Variants in NAALADL2 observed in about 807,000 individuals in gnomAD.
The protein encoded by NAALADL2 is inactive N-acetylated-alpha-linked acidic dipeptidase-like protein 2.
A neutral mutation model predicts 87.2 loss-of-function variants in NAALADL2; 76 were observed. The ratio of observed to expected loss-of-function variants is 0.87; its 90% CI spans 0.72 to 1.05. The LOEUF (loss-of-function observed/expected upper bound fraction) is 1.05, where lower values mean the gene tolerates loss of function less well. NAALADL2 is among the 50% of genes least tolerant of loss of function. The pLI is 0.00. For missense variants in NAALADL2, 1,089 were observed against 945.8 expected, an observed-to-expected ratio of 1.15 and a Z score of -1.99; for synonymous variants, 354 against 331.0, an observed-to-expected ratio of 1.07 and a Z score of -0.75.
At chr3:175,744,057 G>A (rs77831324) in intron 12 of NAALADL2, among the ~76,000 whole-genome samples, 2,461 of 152,270 alleles carry the variant, frequency 0.016, 75 homozygotes, top group African/African-American at 0.056. Flanking sequence ...TGCTGCCTAC[G>A]ACAGCTAAAA....
intron 11 of NAALADL2, 121 bp from the exon 12 acceptor site, chr3:175,737,185 A>G (rs947478745): frequency 1.6e-6 from 1 of 617,862 alleles, no homozygotes; most frequent in African/African-American, 1.9e-5. Flanking sequence ...ATAAAACTAT[A>G]TTATTCCTGT....
chr3:175,016,527 T>A (rs896113830), intron 1 of NAALADL2, among the ~76,000 whole-genome samples: 1 of 151,350 alleles, frequency 6.6e-6, no homozygotes, highest in Non-Finnish European at 1.5e-5. Flanking sequence ...AAAGTGGTTA[T>A]CTCTGAGGTT....
rs575072885 is a variant in NAALADL2, at chr3:175,611,843, C to T, written c.1801-15448C>T. 2.4e-3 allele frequency among the ~76,000 whole-genome samples: 369 copies of T among 152,222 alleles called. 1 individual carries two copies. Among genetic ancestry groups the T allele is most frequent in the African/African-American group, 8.4e-3 (349 of 41,558 alleles). On this transcript the variant is annotated intron_variant, in intron 10 of 13. Transcript: ENST00000454872. Reference sequence around the variant, plus strand: ...AACTAAGCCATACATGTTTTATCCACTGGGGCTAAAATAGTGGCTTTCTTT... The same window carrying T: ...AACTAAGCCATACATGTTTTATCCATTGGGGCTAAAATAGTGGCTTTCTTT...
At chr3:175,071,128 C>T (rs1027925652) in intron 1 of NAALADL2, among the ~76,000 whole-genome samples, 5 of 151,908 alleles carry the variant, frequency 3.3e-5, no homozygotes, top group African/African-American at 1.2e-4. Context: ...ACTGCAGGGG[C>T]AAGCACAAAC....
chr3:174,952,237 G>A (rs1740474819), intron 1 of NAALADL2, among the ~76,000 whole-genome samples: 1 of 152,066 alleles, frequency 6.6e-6, no homozygotes, highest in South Asian at 2.1e-4. Flanking sequence ...ACTTAAAGTA[G>A]GTTGTCTTAT....
intron 4 of NAALADL2, among the ~76,000 whole-genome samples, chr3:175,314,604 A>G (rs1171690085): frequency 9.2e-6 from 1 of 108,306 alleles, no homozygotes; most frequent in Non-Finnish European, 1.9e-5. Context: ...TATATAGGCT[A>G]TACATACTGT....
chr3:175,278,959 T>C (rs1344635886), intron 4 of NAALADL2, among the ~76,000 whole-genome samples: 2 of 152,182 alleles, frequency 1.3e-5, no homozygotes, highest in African/African-American at 2.4e-5. Flanking sequence ...ATATTTTTGT[T>C]GTGCTATTTG....
intron 2 of NAALADL2, among the ~76,000 whole-genome samples, chr3:174,679,299 C>A (rs960157896): frequency 2.0e-5 from 3 of 152,048 alleles, no homozygotes; most frequent in African/African-American, 7.2e-5. Flanking sequence ...TTTCCCTCTT[C>A]AATGATGTCT....
At chr3:174,892,726 C>T (rs965559201) in intron 1 of NAALADL2, among the ~76,000 whole-genome samples, 6 of 151,904 alleles carry the variant, frequency 3.9e-5, no homozygotes, top group Non-Finnish European at 5.9e-5. Flanking sequence ...GAGTTCGAGA[C>T]GACCCTGGGC....
intron 2 of NAALADL2, among the ~76,000 whole-genome samples, chr3:175,211,191 T>A (rs896408692): frequency 3.3e-5 from 5 of 151,874 alleles, no homozygotes; most frequent in African/African-American, 1.2e-4. Flanking sequence ...GATACACATT[T>A]TAATTTAATC....
chr3:174,953,972 CTAATA>C (rs1488058241), intron 1 of NAALADL2, among the ~76,000 whole-genome samples: 1 of 152,030 alleles, frequency 6.6e-6, no homozygotes, highest in Non-Finnish European at 1.5e-5. Context: ...CTTTTACTCT[CTAATA>C]TAATGTGTTT....
chr3:175,800,682 T>C (rs1409467311), intron 13 of NAALADL2, among the ~76,000 whole-genome samples: 1 of 152,096 alleles, frequency 6.6e-6, no homozygotes, highest in Non-Finnish European at 1.5e-5. Context: ...TATACCAACA[T>C]TATTGAGGGT....
intron 10 of NAALADL2, among the ~76,000 whole-genome samples, chr3:175,577,834 A>G (rs1259342382): frequency 6.6e-6 from 1 of 152,164 alleles, no homozygotes; most frequent in East Asian, 1.9e-4. Context: ...GGAACAGAAT[A>G]CCCTTTGCTT....
chr3:175,366,449 G>A (rs1014531357), intron 5 of NAALADL2, among the ~76,000 whole-genome samples: 2 of 151,464 alleles, frequency 1.3e-5, no homozygotes, highest in African/African-American at 2.4e-5. Flanking sequence ...CTTCCACAAC[G>A]GTTGAACTAG....
At chr3:174,746,295 C>G (rs1045770939) in intron 3 of NAALADL2, among the ~76,000 whole-genome samples, 2 of 152,044 alleles carry the variant, frequency 1.3e-5, no homozygotes, top group Non-Finnish European at 2.9e-5. Flanking sequence ...AATGAACAAG[C>G]AAAGAGCCAA....
intron 2 of NAALADL2, among the ~76,000 whole-genome samples, chr3:174,551,740 T>C (rs552105759): frequency 1.8e-3 from 275 of 152,356 alleles, no homozygotes; most frequent in African/African-American, 6.1e-3. Context: ...ATCAATTGCA[T>C]ATTGAGGTTA....
intron 1 of NAALADL2, among the ~76,000 whole-genome samples, chr3:174,996,508 A>AC (rs552558452): frequency 6.6e-6 from 1 of 151,904 alleles, no homozygotes; most frequent in Non-Finnish European, 1.5e-5. Flanking sequence ...AAAAAAAAAA[A>AC]AAAGTACTGA....
intron 1 of NAALADL2, among the ~76,000 whole-genome samples, chr3:174,544,962 A>T (rs1722600016): frequency 6.6e-6 from 1 of 151,832 alleles, no homozygotes. Context: ...TGCAGCCTTG[A>T]TCTCCTAGGC....
chr3:175,309,449 G>T (rs1758082242), intron 4 of NAALADL2, among the ~76,000 whole-genome samples: 1 of 151,874 alleles, frequency 6.6e-6, no homozygotes, highest in Non-Finnish European at 1.5e-5. Context: ...GCCTACCAAA[G>T]TTCTGGGATT....
Sources: allele counts gnomAD v4.1 joint callset (sites outside exome capture counted in the v4.1 genomes callset), GRCh38; gene constraint gnomAD v4.1.1; transcripts MANE v1.5; gene names NCBI Gene and HGNC (gene_info 2026-07-23, HGNC 2026-07-21).